The following VTI1A variants were observed in gnomAD, a reference collection of about 807,000 sequenced individuals.
VTI1A encodes the protein vesicle transport through interaction with t-SNAREs homolog 1A.
Under a neutral mutation model 34.9 loss-of-function variants are expected in VTI1A, and 22 were observed. The observed-to-expected ratio is 0.63, with a 90% CI of 0.45 to 0.90. The LOEUF (loss-of-function observed/expected upper bound fraction) is 0.90. VTI1A is among the 40% of genes least tolerant of loss of function. The pLI is 0.00. For synonymous variants in VTI1A, 87 were observed against 97.3 expected (o/e 0.89, Z 0.62); for missense variants, 268 against 275.6 (o/e 0.97, Z 0.20).
chr10:112,742,804 A>G (rs1196139103), intron 7 of VTI1A, among the ~76,000 whole-genome samples: 1 of 152,232 alleles, frequency 6.6e-6, no homozygotes, highest in African/African-American at 2.4e-5. Flanking sequence ...CAGATGTACT[A>G]CTTCCTTCCA....
chr10:112,794,694 G>C (rs1852613139), intron 7 of VTI1A, among the ~76,000 whole-genome samples: 1 of 152,042 alleles, frequency 6.6e-6, no homozygotes, highest in Admixed American at 6.6e-5. Context: ...GCAAAATTCA[G>C]ATCATACTAT....
At chr10:112,629,119 T>C (rs2134609470) in intron 5 of VTI1A, among the ~76,000 whole-genome samples, 1 of 152,352 alleles carries the variant, frequency 6.6e-6, no homozygotes, top group East Asian at 1.9e-4. Context: ...AGTGAATGGC[T>C]TCTGGGGTAA....
the VTI1A span, chr10:112,831,681 G>A: frequency 6.6e-6 from 1 of 152,164 alleles, no homozygotes; most frequent in East Asian, 1.9e-4. Flanking sequence ...CAAGTGAATA[G>A]ACACTGCCTA....
intron 7 of VTI1A, among the ~76,000 whole-genome samples, chr10:112,691,736 T>G (rs1199768146): frequency 6.6e-6 from 1 of 152,210 alleles, no homozygotes; most frequent in Non-Finnish European, 1.5e-5. Context: ...TGACAGCAAC[T>G]TGCATGGAAG....
intron 5 of VTI1A, among the ~76,000 whole-genome samples, chr10:112,577,834 T>G (rs1843769169): frequency 1.3e-5 from 2 of 152,306 alleles, no homozygotes; most frequent in South Asian, 4.1e-4. Flanking sequence ...TTCCAGGCAG[T>G]GAAGAATTGC....
At chr10:112,484,550 G>A (rs1206175293) in intron 3 of VTI1A, among the ~76,000 whole-genome samples, 2 of 152,078 alleles carry the variant, frequency 1.3e-5, no homozygotes, top group East Asian at 3.9e-4. Flanking sequence ...TTTGTAACCT[G>A]TATCAACTTA....
the VTI1A span, among the ~76,000 whole-genome samples, chr10:112,835,492 C>T: frequency 2.6e-5 from 4 of 152,210 alleles, no homozygotes; most frequent in Non-Finnish European, 5.9e-5. Flanking sequence ...GGAGGGCCCG[C>T]ATACTGCAAA....
the VTI1A span, among the ~76,000 whole-genome samples, chr10:112,839,804 G>A: frequency 3.5e-4 from 53 of 152,270 alleles, no homozygotes; most frequent in African/African-American, 1.3e-3. Context: ...AGGGAGGAGC[G>A]CCTACCATCC....
At chr10:112,840,444 G>A in the VTI1A span, among the ~76,000 whole-genome samples, 2 of 152,204 alleles carry the variant, frequency 1.3e-5, no homozygotes, top group Non-Finnish European at 2.9e-5. Context: ...CACAAGTGAT[G>A]GTGGCTAGGC....
chr10:112,504,067 A>T (rs1427192177), intron 3 of VTI1A, among the ~76,000 whole-genome samples: 2 of 152,208 alleles, frequency 1.3e-5, no homozygotes, highest in African/African-American at 4.8e-5. Context: ...CGTCATTTAA[A>T]CTATACTGCT....
At chr10:112,658,394 G>T (rs1200788914) in intron 5 of VTI1A, among the ~76,000 whole-genome samples, 2 of 152,024 alleles carry the variant, frequency 1.3e-5, no homozygotes, top group Non-Finnish European at 2.9e-5. Flanking sequence ...GCTCATTTGT[G>T]CCATTACTTT....
rs373027870 is a variant in VTI1A, at chr10:112,480,982, G to A, written c.264+16325G>A. Among the ~76,000 whole-genome samples, 18 of 152,210 alleles carry A rather than the reference G, an allele frequency of 1.2e-4. No individual in the cohort carries two copies. In the East Asian group the frequency reaches 3.5e-3, roughly 29 times the overall value. On this transcript the variant is annotated intron_variant, in intron 3 of 7. Coordinates refer to ENST00000393077, the MANE Select transcript of VTI1A (RefSeq NM_145206.4). ...GAACTGAGCCAGAGAGCTTGAGAAA[G>A]CCTTATTGGTTAAGTTGAGCAGCTC...
At chr10:112,826,962 A>C in the VTI1A span, 1 of 152,250 alleles carries the variant, frequency 6.6e-6, no homozygotes, top group Admixed American at 6.5e-5. Context: ...AATAGAGTCT[A>C]AATATAAGAT....
At chr10:112,791,452 A>T (rs1852475631) in intron 7 of VTI1A, among the ~76,000 whole-genome samples, 1 of 152,164 alleles carries the variant, frequency 6.6e-6, no homozygotes, top group South Asian at 2.1e-4. Context: ...AAACCCCACC[A>T]CCCACTCATC....
intron 7 of VTI1A, among the ~76,000 whole-genome samples, chr10:112,790,763 C>T (rs987514688): frequency 1.1e-4 from 14 of 125,736 alleles, no homozygotes; most frequent in South Asian, 4.9e-4. Flanking sequence ...CACTAAAAGA[C>T]GTTTTTTTTT....
intron 7 of VTI1A, among the ~76,000 whole-genome samples, chr10:112,687,209 C>G (rs939558095): frequency 2.8e-5 from 4 of 141,018 alleles, no homozygotes; most frequent in Non-Finnish European, 6.1e-5. Flanking sequence ...CAGGCCTAGG[C>G]ATACTACAAC....
At chr10:112,459,819 G>C (rs957879488) in intron 1 of VTI1A, among the ~76,000 whole-genome samples, 3 of 152,148 alleles carry the variant, frequency 2.0e-5, no homozygotes, top group African/African-American at 7.2e-5. Context: ...GATTGTATTA[G>C]AAAAATAAAC....
intron 7 of VTI1A, among the ~76,000 whole-genome samples, chr10:112,792,189 C>T (rs1852504764): frequency 6.6e-6 from 1 of 152,122 alleles, no homozygotes; most frequent in Non-Finnish European, 1.5e-5. Context: ...GCAGGAGAAT[C>T]ATGTGAACCC....
At chr10:112,852,525 G>C in the VTI1A span, among the ~76,000 whole-genome samples, 1 of 152,222 alleles carries the variant, frequency 6.6e-6, no homozygotes, top group Non-Finnish European at 1.5e-5. Flanking sequence ...CCGCAAGTCT[G>C]GACAGAGAAG....
Sources: allele counts gnomAD v4.1 joint callset (sites outside exome capture counted in the v4.1 genomes callset), GRCh38; gene constraint gnomAD v4.1.1; transcripts MANE v1.5; gene names NCBI Gene and HGNC (gene_info 2026-07-23, HGNC 2026-07-21).